XPO1: variants seen among roughly 807,000 people sequenced by gnomAD.
XPO1 encodes exportin-1.
In XPO1, 5 loss-of-function variants were observed where a neutral mutation model predicts 133.3. That is an observed-to-expected ratio of 0.04 (90% CI 0.02 to 0.08). The LOEUF is 0.08. Among genes scored for constraint, XPO1 ranks in the 10% least tolerant of loss-of-function variants. The pLI, the probability that XPO1 is intolerant of heterozygous loss-of-function variation, is 1.00. For missense variants in XPO1, 506 were observed against 1,267.5 expected (o/e 0.40, Z 9.12); for synonymous variants, 419 against 408.2 (o/e 1.03, Z -0.32).
chr2:61,516,810 A>C (rs1479413625), intron 4 of XPO1, among the ~76,000 whole-genome samples: 1 of 152,144 alleles, frequency 6.6e-6, no homozygotes, highest in Non-Finnish European at 1.5e-5. Flanking sequence ...GTACAGAAAT[A>C]CCTTTATATA....
At chr2:61,487,994 G>A (rs891345175) in intron 19 of XPO1, among the ~76,000 whole-genome samples, 171 bp downstream of exon 19, 2 of 151,906 alleles carry the variant, frequency 1.3e-5, no homozygotes, top group Admixed American at 6.6e-5. Flanking sequence ...TTTTGAAGAT[G>A]GAATACAGCT....
intron 11 of XPO1, among the ~76,000 whole-genome samples, chr2:61,495,129 G>A (rs1195246476): frequency 6.6e-6 from 1 of 151,946 alleles, no homozygotes; most frequent in African/African-American, 2.4e-5. Flanking sequence ...ACGATGAATT[G>A]TATATCTTTA....
At chr2:61,493,118 G>A (rs1259991879) in intron 12 of XPO1, 65 bp from the exon 13 acceptor site, 2 of 1,462,520 alleles carry the variant, frequency 1.4e-6, no homozygotes, top group Non-Finnish European at 1.8e-6. Flanking sequence ...TAGTGTAGAA[G>A]CTTAGTTAAA....
Position 61,495,470 on chromosome 2 carries a change from C to A in XPO1, c.1032G>T (p.Arg344Ser). 1 of 1,560,474 alleles carries A rather than the reference C, an allele frequency of 6.4e-7. No individual in the cohort carries two copies. The highest frequency in any genetic ancestry group is 8.7e-7 in the Non-Finnish European group (1 of 1,148,858). The part of the protein sequence containing the change: ...DQLIEKRLNL[R>S]ETLMEALHYM... ...CATATCTTACCTCCATAAGAGTTTC[C>A]CTGAGATTTAATCTTTTTTCTATAA... Residue 344 changes from arginine to serine, a missense_variant, in exon 11 of 25, where the codon AGG becomes AGT. Coordinates refer to ENST00000401558, the MANE Select transcript of XPO1 (RefSeq NM_003400.4).
intron 3 of XPO1, chr2:61,525,565 G>T: frequency 9.9e-7 from 1 of 1,014,346 alleles, no homozygotes; most frequent in Non-Finnish European, 1.2e-6. Flanking sequence ...AAATACTGTT[G>T]ATAAATCAAC....
intron 4 of XPO1, among the ~76,000 whole-genome samples, chr2:61,510,526 T>G (rs560052174): frequency 9.9e-5 from 15 of 152,254 alleles, no homozygotes; most frequent in African/African-American, 3.6e-4. Flanking sequence ...GAGAAATGGA[T>G]CTATATGCAC....
intron 7 of XPO1, 127 bp downstream of exon 7, chr2:61,499,586 A>C: frequency 1.1e-5 from 10 of 932,544 alleles, no homozygotes; most frequent in Non-Finnish European, 1.2e-5. Context: ...TCTGCAGTTG[A>C]AAACCACTAC....
In XPO1 at chr2:61,478,750, G is replaced by A. The variant is rs1182849086; in HGVS notation, c.*70C>T. ...TTTACAAATTGGCATCATTTTGGTC[G>A]ACAAATACCCACATGCTGTTTTCCT... On this transcript the variant is annotated 3_prime_UTR_variant, in exon 25 of 25. Transcript: ENST00000401558. The A allele has an allele frequency of 1.5e-5, 22 of 1,507,732 alleles. No individual in the cohort carries two copies. The highest frequency in any genetic ancestry group is 1.9e-5 in the Non-Finnish European group (21 of 1,121,778). The allele number at this position is 1,507,732 out of a possible 1,614,324, so 93.4% of individuals were successfully genotyped here.
intron 20 of XPO1, chr2:61,485,257 C>T (rs1458168958): frequency 6.6e-6 from 1 of 152,440 alleles, no homozygotes; most frequent in African/African-American, 2.4e-5. Flanking sequence ...TGCAGACTTA[C>T]TTTCTCATTT....
chr2:61,533,671 T>C (rs1699252911), intron 2 of XPO1, 101 bp downstream of exon 2: 2 of 1,277,222 alleles, frequency 1.6e-6, no homozygotes, highest in Non-Finnish European at 2.0e-6. Context: ...ATGCAAACTA[T>C]GGAATATCTT....
chr2:61,496,720 A>G (rs554608877), intron 10 of XPO1, among the ~76,000 whole-genome samples, 159 bp downstream of exon 10: 2 of 152,318 alleles, frequency 1.3e-5, no homozygotes, highest in South Asian at 4.1e-4. Context: ...AAATTTTTGG[A>G]AACATCATAA....
At chr2:61,501,891 T>C (rs1017169547) in intron 6 of XPO1, 105 bp downstream of exon 6, 4 of 924,932 alleles carry the variant, frequency 4.3e-6, no homozygotes, top group Non-Finnish European at 6.5e-6. Flanking sequence ...ATACTATCAC[T>C]ACTTCTGCAA....
chr2:61,482,799 G>T, intron 22 of XPO1, 158 bp downstream of exon 22: 2 of 873,456 alleles, frequency 2.3e-6, no homozygotes, highest in South Asian at 1.8e-5. Context: ...TTTTTTTATG[G>T]TATTTTTAGT....
chr2:61,529,715 C>T (rs1359599607), intron 2 of XPO1, among the ~76,000 whole-genome samples: 1 of 151,844 alleles, frequency 6.6e-6, no homozygotes, highest in East Asian at 1.9e-4. Context: ...GGCTTTGATG[C>T]TTTATTTTAA....
intron 4 of XPO1, among the ~76,000 whole-genome samples, chr2:61,518,035 CAT>C (rs1168799149): frequency 6.6e-6 from 1 of 151,932 alleles, no homozygotes; most frequent in African/African-American, 2.4e-5. Flanking sequence ...GAGACTGACA[CAT>C]GAGAATCACT....
chr2:61,524,159 T>A (rs1032572249), intron 3 of XPO1, among the ~76,000 whole-genome samples: 2 of 152,148 alleles, frequency 1.3e-5, no homozygotes, highest in Admixed American at 1.3e-4. Context: ...AATCAGATTG[T>A]CAAGACTCAG....
chr2:61,523,609 T>C (rs751332544), intron 3 of XPO1, among the ~76,000 whole-genome samples: 9 of 152,202 alleles, frequency 5.9e-5, no homozygotes, highest in Admixed American at 1.3e-4. Flanking sequence ...ATCTGAAAGG[T>C]AAGCTCATTC....
chr2:61,524,600 T>A (rs1319590679), intron 3 of XPO1, among the ~76,000 whole-genome samples: 1 of 152,074 alleles, frequency 6.6e-6, no homozygotes, highest in Non-Finnish European at 1.5e-5. Flanking sequence ...CCTATGAAAC[T>A]AAAACAAAAA....
chr2:61,498,350 T>G (rs149618340), intron 9 of XPO1, among the ~76,000 whole-genome samples: 45 of 152,322 alleles, frequency 3.0e-4, no homozygotes, highest in East Asian at 2.9e-3. Context: ...CAATTTTAAA[T>G]TATCAGTTAA....
Sources: allele counts gnomAD v4.1 joint callset (sites outside exome capture counted in the v4.1 genomes callset), GRCh38; gene constraint gnomAD v4.1.1; transcripts MANE v1.5; gene names NCBI Gene and HGNC (gene_info 2026-07-23, HGNC 2026-07-21).